Variants in GRIK2 observed in about 807,000 individuals in gnomAD.
GRIK2 encodes the protein glutamate ionotropic receptor kainate type subunit 2.
A neutral mutation model predicts 100.3 loss-of-function variants in GRIK2; 32 were observed. The observed-to-expected ratio is 0.32, with a 90% CI of 0.24 to 0.43. The LOEUF is 0.43. Among genes scored for constraint, GRIK2 ranks in the 20% least tolerant of loss-of-function variants. GRIK2 has a pLI of 1.00. For synonymous variants in GRIK2, 417 were observed against 389.4 expected (o/e 1.07, Z -0.83); for missense variants, 843 against 1,114.9 (o/e 0.76, Z 3.47).
chr6:101,631,724 TTTA>T (rs1562273169), intron 4 of GRIK2, among the ~76,000 whole-genome samples: 1 of 152,068 alleles, frequency 6.6e-6, no homozygotes, highest in Non-Finnish European at 1.5e-5. Flanking sequence ...TCTCAAATCT[TTTA>T]TTTTTTTCCT....
Position 101,699,161 on chromosome 6 carries a change from G to A in GRIK2, c.951+12808G>A, listed in dbSNP as rs148834613. ...CAGAAAGTGCTACCACAGTGCTAGA[G>A]TTACTGCCAGACCTGGGGTCCTGGT... On this transcript the variant is annotated intron_variant, in intron 7 of 16. Transcript: ENST00000369134. 4.2e-4 allele frequency among the ~76,000 whole-genome samples: 64 copies of A among 152,252 alleles called. 1 individual carries two copies. The East Asian group carries it at 0.012, about 29-fold the overall frequency.
At chr6:101,979,422 C>T (rs1211000827) in intron 14 of GRIK2, among the ~76,000 whole-genome samples, 1 of 151,916 alleles carries the variant, frequency 6.6e-6, no homozygotes, top group Admixed American at 6.6e-5. Context: ...GAAGCACCAC[C>T]TTCAGGACTT....
intron 2 of GRIK2, among the ~76,000 whole-genome samples, chr6:101,506,050 A>G (rs191823084): frequency 6.6e-6 from 1 of 152,264 alleles, no homozygotes; most frequent in African/African-American, 2.4e-5. Context: ...GTACTTTGAA[A>G]TAAATTAACC....
intron 2 of GRIK2, among the ~76,000 whole-genome samples, chr6:101,554,281 T>C (rs1030001747): frequency 6.6e-6 from 1 of 152,154 alleles, no homozygotes; most frequent in East Asian, 1.9e-4. Context: ...GAAGTTCGTG[T>C]TAGTGTCTGT....
rs558444258 is a variant in GRIK2, at chr6:101,849,405, A to G, written c.1318-9882A>G. On this transcript the variant is annotated intron_variant, in intron 10 of 16. Transcript: ENST00000369134. Reference sequence around the variant, plus strand: ...GCACCTCTTGAGCCCTTAGGGGGAAATATGTTGAGGTCTGTTTCATTTTAT... The same window carrying G: ...GCACCTCTTGAGCCCTTAGGGGGAAGTATGTTGAGGTCTGTTTCATTTTAT... Among the ~76,000 whole-genome samples, 222 of 152,166 alleles carry G rather than the reference A, an allele frequency of 1.5e-3. 1 individual carries two copies. Among genetic ancestry groups the G allele is most frequent in the Non-Finnish European group, 2.7e-3 (182 of 67,968 alleles).
intron 2 of GRIK2, among the ~76,000 whole-genome samples, chr6:101,534,835 T>C (rs1775610430): frequency 6.6e-6 from 1 of 151,734 alleles, no homozygotes; most frequent in Non-Finnish European, 1.5e-5. Context: ...AATGACTTTT[T>C]TTTTCAAAGC....
chr6:101,693,422 A>T (rs1020561936), intron 7 of GRIK2, among the ~76,000 whole-genome samples: 3 of 151,774 alleles, frequency 2.0e-5, no homozygotes, highest in Non-Finnish European at 2.9e-5. Context: ...TTTTATATTT[A>T]AAAATGTAGG....
chr6:101,693,804 A>C (rs1772279878), intron 7 of GRIK2, among the ~76,000 whole-genome samples: 1 of 152,116 alleles, frequency 6.6e-6, no homozygotes, highest in Non-Finnish European at 1.5e-5. Context: ...ATATATGTAT[A>C]TGATCATGTA....
chr6:102,036,791 G>A (rs1240267257), intron 15 of GRIK2, among the ~76,000 whole-genome samples: 1 of 151,406 alleles, frequency 6.6e-6, no homozygotes. Flanking sequence ...TCACTAAGTT[G>A]ATGGTAATAT....
At chr6:101,766,668 C>G (rs993044931) in intron 7 of GRIK2, among the ~76,000 whole-genome samples, 2 of 152,186 alleles carry the variant, frequency 1.3e-5, no homozygotes, top group African/African-American at 4.8e-5. Flanking sequence ...GTTGAGCTTC[C>G]TACTCACAAC....
chr6:101,829,927 T>A (rs2128427442), intron 10 of GRIK2, among the ~76,000 whole-genome samples: 1 of 152,088 alleles, frequency 6.6e-6, no homozygotes, highest in African/African-American at 2.4e-5. Flanking sequence ...AAGAAACTAT[T>A]CTAAAATTCA....
At chr6:101,921,917 G>GA (rs1789546179) in intron 12 of GRIK2, among the ~76,000 whole-genome samples, 1 of 151,686 alleles carries the variant, frequency 6.6e-6, no homozygotes, top group South Asian at 2.1e-4. Flanking sequence ...TTCAGTTTAA[G>GA]AAAAAAAGCA....
At chr6:101,676,505 C>G in intron 4 of GRIK2, 118 bp from the exon 5 acceptor site, 2 of 623,640 alleles carry the variant, frequency 3.2e-6, no homozygotes, top group Non-Finnish European at 5.3e-6. Context: ...TATGTAACCA[C>G]AAAAATTAAA....
At chr6:101,637,269 T>C (rs558394603) in intron 4 of GRIK2, among the ~76,000 whole-genome samples, 40 of 152,266 alleles carry the variant, frequency 2.6e-4, no homozygotes, top group Middle Eastern at 3.4e-3. Context: ...TGTACTGACC[T>C]CCATATTCAC....
At chr6:101,599,905 A>T (rs980418245) in intron 2 of GRIK2, among the ~76,000 whole-genome samples, 13 of 151,788 alleles carry the variant, frequency 8.6e-5, no homozygotes, top group Middle Eastern at 3.4e-3. Flanking sequence ...CCTTAATTTA[A>T]TTAAGTCCCA....
intron 2 of GRIK2, among the ~76,000 whole-genome samples, chr6:101,584,947 G>T: frequency 6.6e-6 from 1 of 151,904 alleles, no homozygotes; most frequent in Admixed American, 6.6e-5. Flanking sequence ...AGTAAGTGGA[G>T]ATGTAACTAC....
intron 2 of GRIK2, among the ~76,000 whole-genome samples, chr6:101,515,062 G>A (rs1192675803): frequency 6.6e-6 from 1 of 151,860 alleles, no homozygotes; most frequent in South Asian, 2.1e-4. Flanking sequence ...CACTCTTCCC[G>A]CCAAGTCCCC....
intron 2 of GRIK2, among the ~76,000 whole-genome samples, chr6:101,414,826 T>G (rs901600231): frequency 6.6e-6 from 1 of 152,136 alleles, no homozygotes; most frequent in African/African-American, 2.4e-5. Context: ...CTGAAACATC[T>G]CAGGGTCTTT....
At chr6:101,504,328 A>G (rs542643766) in intron 2 of GRIK2, among the ~76,000 whole-genome samples, 3 of 152,158 alleles carry the variant, frequency 2.0e-5, no homozygotes, top group African/African-American at 7.2e-5. Context: ...CTACATTTCT[A>G]TATTTTTTTC....
Sources: gnomAD v4.1 joint callset for allele counts (sites outside exome capture counted in the v4.1 genomes callset) on GRCh38, gnomAD v4.1.1 for gene constraint, MANE v1.5 for transcripts, NCBI Gene and HGNC (gene_info 2026-07-23, HGNC 2026-07-21) for gene names.